The following CMPK2 variants were observed in gnomAD, a reference collection of about 807,000 sequenced individuals.
The protein encoded by CMPK2 is UMP-CMP kinase 2, mitochondrial.
A neutral mutation model predicts 33.4 loss-of-function variants in CMPK2; 32 were observed. The ratio of observed to expected loss-of-function variants is 0.96; its 90% CI spans 0.72 to 1.29. The LOEUF (loss-of-function observed/expected upper bound fraction) is 1.29. Ranked by LOEUF, CMPK2 falls within the 50% of genes most tolerant of loss-of-function variation. CMPK2 has a pLI of 0.00. For synonymous variants in CMPK2, 299 were observed against 275.3 expected (o/e 1.09, Z -0.85); for missense variants, 672 against 616.0 (o/e 1.09, Z -0.96).
chr2:6,847,141 G>A (rs545712074), downstream of CMPK2, among the ~76,000 whole-genome samples: 8 of 152,218 alleles, frequency 5.3e-5, no homozygotes, highest in East Asian at 3.9e-4. Context: ...TTAGTCTACC[G>A]GCTGTCTTGG....
In CMPK2 at chr2:6,865,361, C is replaced by G. The variant is rs562597272; in HGVS notation, c.336G>C (p.Leu112=). ...LRRGPFQRCQ[L]LRLLCYCPGG... ...CCGGGCAGTAGCAGAGCAGCCTGAG[C>G]AGCTGGCACCGCTGGAAGGGGCCGC... Residue 112 remains leucine, a synonymous_variant, in exon 1 of 5, where the codon CTG becomes CTC. Coordinates refer to ENST00000256722, the MANE Select transcript of CMPK2 (RefSeq NM_207315.4). 620 of 1,422,760 alleles carry G rather than the reference C, an allele frequency of 4.4e-4. 7 individuals carry two copies. The East Asian group carries it at 0.018, about 41-fold the overall frequency. 88.1% of individuals were successfully genotyped at this position (1,422,760 alleles called of 1,614,324 possible). A position where few individuals can be genotyped will look rare whatever the true frequency, so the allele number is the denominator to read the frequency against.
Position 6,851,468 on chromosome 2 carries a change from T to C in CMPK2, c.1208A>G (p.Asn403Ser), listed in dbSNP as rs1189417130. 1.2e-6 allele frequency: 2 copies of C among 1,614,138 alleles called. No individual in the cohort carries two copies. The highest frequency in any genetic ancestry group is 2.7e-5 in the African/African-American group (2 of 74,942). Residue 403 changes from asparagine (N) to serine (S), a missense_variant, in exon 4 of 5, where the codon AAC becomes AGC. Asn to Ser is a conservative substitution (Grantham distance 46). Coordinates refer to ENST00000256722, the MANE Select transcript of CMPK2 (RefSeq NM_207315.4). ...CACCTACTTTTGACGAAACACACTG[T>C]TGGCCTCAAGTTCTGCTTCTTCCCT... ...KTREEAELEANSVFRQKVEMS... is the reference protein window; with the variant it reads ...KTREEAELEASSVFRQKVEMS...
chr2:6,848,824 G>A lies in CMPK2; in HGVS notation c.*1026C>T, dbSNP rs894371554. 32 of 985,564 alleles carry A rather than the reference G, an allele frequency of 3.2e-5. No homozygotes were observed. The highest frequency in any genetic ancestry group is 1.4e-4 in the African/African-American group (8 of 57,198). The allele number at this position is 985,564 out of a possible 1,614,324, so 61.1% of individuals were successfully genotyped here. A position where few individuals can be genotyped will look rare whatever the true frequency, so the allele number is the denominator to read the frequency against. On this transcript the variant is annotated 3_prime_UTR_variant, in exon 5 of 5. Transcript: ENST00000256722. ...TTTCTGTCTAAAGATATGTCAAAGC[G>A]ATTTCATATGTAATCATGAGACATT...
intron 1 of CMPK2, 124 bp downstream of exon 1, chr2:6,864,898 G>C: frequency 7.8e-7 from 1 of 1,288,112 alleles, no homozygotes. Context: ...TACCTGATTT[G>C]TGAACGGAAA....
intron 3 of CMPK2, among the ~76,000 whole-genome samples, chr2:6,858,908 G>A (rs962680486): frequency 6.6e-6 from 1 of 152,222 alleles, no homozygotes; most frequent in Non-Finnish European, 1.5e-5. Context: ...GGAGGGCTTA[G>A]AAGAAGACAG....
In CMPK2 at chr2:6,851,547, C is replaced by G. The variant is rs756085131; in HGVS notation, c.1129G>C (p.Val377Leu). The change falls in exon 4 of 5, where the codon GTG (valine) becomes CTG (leucine). Residue 377 changes from valine to leucine, a missense_variant. Physicochemically the swap from Val to Leu is conservative, Grantham distance 32. Coordinates refer to ENST00000256722, the MANE Select transcript of CMPK2 (RefSeq NM_207315.4). ...CTCTGCAACCTCTCCTCAGGACTCA[C>G]AGTGAGCAGCAGGATAAGGTCAGGT... ...LKPDLILLLT[V>L]SPEERLQRLQ... The G allele has an allele frequency of 6.2e-6, 10 of 1,614,090 alleles. No individual in the cohort carries two copies. The Admixed American group carries it at 1.7e-4, about 27-fold the overall frequency.
chr2:6,841,651 C>A (rs1362880160), intron 3 of CMPK2, among the ~76,000 whole-genome samples: 2 of 151,954 alleles, frequency 1.3e-5, no homozygotes, highest in Non-Finnish European at 2.9e-5. Context: ...CAGGAGAATA[C>A]TGAGGCTTTA....
At chr2:6,852,756 G>A (rs1190489137) in intron 3 of CMPK2, among the ~76,000 whole-genome samples, 7 of 152,038 alleles carry the variant, frequency 4.6e-5, no homozygotes, top group Non-Finnish European at 7.4e-5. Context: ...GAATTAGAAC[G>A]ATTTCATTTA....
Position 6,849,855 on chromosome 2 carries a change from G to T in CMPK2, c.1345C>A (p.Pro449Thr), listed in dbSNP as rs2103217772. The T allele has an allele frequency of 2.5e-6, 4 of 1,613,840 alleles. No homozygotes were observed. Among genetic ancestry groups the T allele is most frequent in the Middle Eastern group, 1.7e-4 (1 of 6,046 alleles). The change falls in exon 5 of 5, where the codon CCG (proline) becomes ACG (threonine). Residue 449 changes from proline to threonine, a missense_variant. Physicochemically the swap from Pro to Thr is conservative, Grantham distance 38. Coordinates refer to ENST00000256722, the MANE Select transcript of CMPK2 (RefSeq NM_207315.4). ...LSLIQNSFSE[P>T] ...GTGGCACCTGGCCAGAGTAACTACG[G>T]TTCACTAAAACTATTCTGGATTAGG...
At chr2:6,846,503 A>G (rs997772094), downstream of CMPK2, among the ~76,000 whole-genome samples, 1 of 152,136 alleles carries the variant, frequency 6.6e-6, no homozygotes, top group African/African-American at 2.4e-5. Context: ...AACTAACTCT[A>G]CTCCGCAAGA....
chr2:6,853,433 C>T (rs1662585319), intron 3 of CMPK2, among the ~76,000 whole-genome samples: 1 of 152,130 alleles, frequency 6.6e-6, no homozygotes, highest in Non-Finnish European at 1.5e-5. Context: ...CTAATATAGC[C>T]TCCATCTCCT....
chr2:6,850,034 G>A, intron 4 of CMPK2, 61 bp from the exon 5 acceptor site: 1 of 1,293,714 alleles, frequency 7.7e-7, no homozygotes. Flanking sequence ...TTGCATTAAT[G>A]TTCTTTTCCT....
intron 4 of CMPK2, 135 bp downstream of exon 4, chr2:6,851,315 A>T (rs1390116679): frequency 6.7e-7 from 1 of 1,495,696 alleles, no homozygotes. Flanking sequence ...GGCTGAAGTA[A>T]CTTAGAGGAT....
chr2:6,862,850 G>C (rs1033155345), intron 2 of CMPK2, among the ~76,000 whole-genome samples: 1 of 152,194 alleles, frequency 6.6e-6, no homozygotes, highest in African/African-American at 2.4e-5. Flanking sequence ...GAACCACTCG[G>C]ATGCTAGTTC....
At chr2:6,853,105 A>G (rs941090644) in intron 3 of CMPK2, among the ~76,000 whole-genome samples, 6 of 152,074 alleles carry the variant, frequency 3.9e-5, no homozygotes, top group Admixed American at 3.9e-4. Context: ...ATGCACCACC[A>G]CGCCCGGCTA....
In CMPK2 at chr2:6,863,502, T is replaced by C; in HGVS notation, c.752A>G (p.Lys251Arg). The C allele has an allele frequency of 6.2e-7, 1 of 1,614,222 alleles. No homozygotes were observed. Among genetic ancestry groups the C allele is most frequent in the Non-Finnish European group, 8.5e-7 (1 of 1,180,036 alleles). ...DQCPKQIQKGKFQVVAIEGLD... is the reference protein window; with the variant it reads ...DQCPKQIQKGRFQVVAIEGLD... ...TCCTTCGATGGCAACAACCTGGAAC[T>C]TTCCTTTCTGGATCTGTTTTGGGCA... The change falls in exon 2 of 5, where the codon AAG (lysine) becomes AGG (arginine). Residue 251 changes from lysine to arginine, a missense_variant. Coordinates refer to ENST00000256722, the MANE Select transcript of CMPK2 (RefSeq NM_207315.4).
chr2:6,845,630 A>C (rs1662340795), downstream of CMPK2, among the ~76,000 whole-genome samples: 2 of 151,966 alleles, frequency 1.3e-5, no homozygotes, highest in African/African-American at 4.8e-5. Flanking sequence ...GACCCACTCA[A>C]CCCAAAAGGC....
intron 3 of CMPK2, among the ~76,000 whole-genome samples, chr2:6,860,368 A>C (rs1294998357): frequency 2.0e-5 from 3 of 152,152 alleles, no homozygotes; most frequent in African/African-American, 7.2e-5. Context: ...GAGTGGAGTT[A>C]TATGGTTTGG....
At chr2:6,866,363 T>G, upstream of CMPK2, 1 of 882,092 alleles carries the variant, frequency 1.1e-6, no homozygotes, top group Non-Finnish European at 1.4e-6. Context: ...TTCCCTCTCC[T>G]GTATCTTATC....
Sources: allele counts gnomAD v4.1 joint callset (sites outside exome capture counted in the v4.1 genomes callset), GRCh38; gene constraint gnomAD v4.1.1; transcripts MANE v1.5; gene names NCBI Gene and HGNC (gene_info 2026-07-23, HGNC 2026-07-21).